Variants in ROBO2 observed in about 807,000 individuals in gnomAD.
The protein encoded by ROBO2 is roundabout homolog 2.
Under a neutral mutation model 160.8 loss-of-function variants are expected in ROBO2, and 53 were observed. The ratio of observed to expected loss-of-function variants is 0.33; its 90% CI spans 0.26 to 0.41. ROBO2 has a LOEUF of 0.41. ROBO2 is among the 10% of genes least tolerant of loss of function. The probability of loss-of-function intolerance (pLI) is 1.00; values close to 1 mark genes in which losing one functional copy is unlikely to be tolerated. For synonymous variants in ROBO2, 664 were observed against 611.7 expected, an observed-to-expected ratio of 1.09 and a Z score of -1.26; for missense variants, 1,577 against 1,722.4, an observed-to-expected ratio of 0.92 and a Z score of 1.49.
At chr3:76,069,241 C>A (rs2068363680) in intron 2 of ROBO2, among the ~76,000 whole-genome samples, 1 of 152,166 alleles carries the variant, frequency 6.6e-6, no homozygotes, top group African/African-American at 2.4e-5. Flanking sequence ...GATTTTCTCC[C>A]TAAACCTGGT....
chr3:77,180,439 T>TC (rs1560177083), intron 2 of ROBO2, among the ~76,000 whole-genome samples: 1 of 135,308 alleles, frequency 7.4e-6, no homozygotes, highest in East Asian at 2.0e-4. Flanking sequence ...TATGTATTTT[T>TC]TTTTTTTTTT....
Position 77,597,713 on chromosome 3 carries a change from G to GA in ROBO2, c.2854+973dup, listed in dbSNP as rs35072432. 6.1e-4 allele frequency among the ~76,000 whole-genome samples: 21 copies of GA among 34,510 alleles called. No individual in the cohort carries two copies. The East Asian group carries it at 8.8e-3, about 14-fold the overall frequency. 22.6% of individuals were successfully genotyped at this position (34,510 alleles called of 152,430 possible). A position where few individuals can be genotyped will look rare whatever the true frequency, so the allele number is the denominator to read the frequency against. On this transcript the variant is annotated intron_variant, in intron 19 of 25. Transcript: ENST00000461745. ...AATTTAAAAATGAGTCAAAAGTATG[G>GA]AAAAAAAAAAGTGTTTAGAAAAGAA...
chr3:76,139,418 A>G lies in ROBO2; in HGVS notation c.109+201816A>G, dbSNP rs80298349. 7.9e-3 allele frequency among the ~76,000 whole-genome samples: 1,201 copies of G among 152,242 alleles called. 19 individuals carry two copies. Among genetic ancestry groups the G allele is most frequent in the African/African-American group, 0.028 (1,159 of 41,552 alleles). ...GAATAAGAACCAAATCTCTGAATCT[A>G]CTGATGATGATTAAAAGCAGGCAGT... On this transcript the variant is annotated intron_variant, in intron 2 of 26. Transcript: ENST00000487694.
intron 2 of ROBO2, among the ~76,000 whole-genome samples, chr3:76,120,745 C>CCAAGCT (rs540581408): frequency 5.6e-4 from 86 of 152,238 alleles, no homozygotes; most frequent in Middle Eastern, 3.4e-3. Context: ...AGAAAATTTA[C>CCAAGCT]CAAGCTCAGA....
At position 76,965,677 on chromosome 3, in the gene ROBO2, A is replaced by T. The variant is rs542939927; in HGVS notation, c.110-132337A>T. On this transcript the variant is annotated intron_variant, in intron 2 of 26. Transcript: ENST00000487694. ...CATATATCTATCAAAGGTAAAAAAA[A>T]AAAAAAACTTCAGTAAATTGTTATA... Among the ~76,000 whole-genome samples, 7 of 151,128 alleles carry T rather than the reference A, an allele frequency of 4.6e-5. No individual in the cohort carries two copies. The East Asian group carries it at 9.7e-4, about 21-fold the overall frequency.
intron 2 of ROBO2, among the ~76,000 whole-genome samples, chr3:76,529,728 G>C (rs190598602): frequency 8.3e-4 from 126 of 152,258 alleles, no homozygotes; most frequent in African/African-American, 2.9e-3. Context: ...ATATCAGTGG[G>C]TTTCTAGAGT....
At chr3:76,529,494 G>T (rs370023542) in intron 2 of ROBO2, among the ~76,000 whole-genome samples, 9 of 152,138 alleles carry the variant, frequency 5.9e-5, no homozygotes, top group African/African-American at 2.2e-4. Flanking sequence ...AATATACACA[G>T]ATCTAAGCTG....
intron 2 of ROBO2, among the ~76,000 whole-genome samples, chr3:76,138,628 T>A (rs1170371158): frequency 6.6e-6 from 1 of 151,996 alleles, no homozygotes; most frequent in Admixed American, 6.6e-5. Flanking sequence ...AGAGAATAAT[T>A]AAGACATGGG....
At chr3:77,331,995 C>T (rs867798040) in intron 2 of ROBO2, among the ~76,000 whole-genome samples, 2 of 152,076 alleles carry the variant, frequency 1.3e-5, no homozygotes, top group East Asian at 3.9e-4. Flanking sequence ...CGTGAGCCAA[C>T]GCCCCCGGCC....
At position 76,904,392 on chromosome 3, in the gene ROBO2, AGTTACATTTATTGCTAAGCT is replaced by A. The variant is rs759171374; in HGVS notation, c.110-193620_110-193601del. On this transcript the variant is annotated intron_variant, in intron 2 of 26. Coordinates refer to the ROBO2 transcript ENST00000487694. ...TGATGGTAATGTTGCCAAATATAGC[AGTTACATTTATTGCTAAGCT>A]GACAAAACCTACTGAACCAAATATA... Among the ~76,000 whole-genome samples the A allele has an allele frequency of 2.0e-3, 300 of 152,298 alleles. 1 individual carries two copies. The highest frequency in any genetic ancestry group is 6.8e-3 in the Middle Eastern group (2 of 294).
At chr3:76,642,699 A>C (rs1246246046) in intron 2 of ROBO2, among the ~76,000 whole-genome samples, 1 of 152,124 alleles carries the variant, frequency 6.6e-6, no homozygotes, top group Non-Finnish European at 1.5e-5. Context: ...CTACAACATT[A>C]CATAAAACAT....
At chr3:77,200,300 TATATATATATATATA>T (rs1560218627) in intron 2 of ROBO2, among the ~76,000 whole-genome samples, 1 of 81,058 alleles carries the variant, frequency 1.2e-5, no homozygotes, top group Non-Finnish European at 2.4e-5. Flanking sequence ...TATATATATA[TATATATATATATATA>T]TATATATTTT....
intron 2 of ROBO2, among the ~76,000 whole-genome samples, chr3:76,802,844 T>C (rs551243835): frequency 1.2e-4 from 18 of 152,218 alleles, no homozygotes; most frequent in Non-Finnish European, 2.2e-4. Flanking sequence ...TACCTTACTT[T>C]AGCTTAGTAA....
intron 2 of ROBO2, among the ~76,000 whole-genome samples, chr3:77,306,725 T>A (rs1436232922): frequency 2.0e-5 from 3 of 152,202 alleles, no homozygotes; most frequent in Non-Finnish European, 4.4e-5. Flanking sequence ...CTTTCTACTA[T>A]GATTCTACAA....
chr3:77,102,821 A>G (rs1356576937), intron 2 of ROBO2, among the ~76,000 whole-genome samples: 1 of 149,968 alleles, frequency 6.7e-6, no homozygotes. Context: ...AATCACCTCA[A>G]ATTTGCTTTT....
intron 2 of ROBO2, among the ~76,000 whole-genome samples, chr3:77,264,905 G>A (rs1427014895): frequency 6.6e-6 from 1 of 152,058 alleles, no homozygotes; most frequent in African/African-American, 2.4e-5. Flanking sequence ...CTATAATGCG[G>A]CCTGTTCCTT....
At chr3:76,085,110 T>TACACACACAC (rs879918403) in intron 2 of ROBO2, among the ~76,000 whole-genome samples, 4 of 144,082 alleles carry the variant, frequency 2.8e-5, no homozygotes, top group East Asian at 3.9e-4. Context: ...TACATATATA[T>TACACACACAC]ATATATACAC....
At chr3:76,308,391 A>AAG (rs1390894850) in intron 2 of ROBO2, among the ~76,000 whole-genome samples, 2 of 151,418 alleles carry the variant, frequency 1.3e-5, no homozygotes, top group East Asian at 3.9e-4. Flanking sequence ...AAAAAAAAAA[A>AAG]AAAAAAGAAA....
chr3:77,023,877 A>G (rs532318465), intron 2 of ROBO2, among the ~76,000 whole-genome samples: 4 of 152,184 alleles, frequency 2.6e-5, no homozygotes, highest in Non-Finnish European at 5.9e-5. Context: ...AAATCACAAA[A>G]TAAATATAAA....
Sources: allele counts gnomAD v4.1 joint callset (sites outside exome capture counted in the v4.1 genomes callset), GRCh38; gene constraint gnomAD v4.1.1; transcripts MANE v1.5; gene names NCBI Gene and HGNC (gene_info 2026-07-23, HGNC 2026-07-21).